The following SAMD13 variants were observed in gnomAD, a reference collection of about 807,000 sequenced individuals.
The protein encoded by SAMD13 is sterile alpha motif domain containing 13.
A neutral mutation model predicts 12.4 loss-of-function variants in SAMD13; 9 were observed. The observed-to-expected ratio is 0.72, with a 90% CI of 0.44 to 1.26. The LOEUF is 1.26. Among genes scored for constraint, SAMD13 ranks in the 50% most tolerant of loss-of-function variants. The pLI is 0.00. For missense variants in SAMD13, 84 were observed against 119.6 expected (o/e 0.70, Z 1.39); for synonymous variants, 46 against 45.4 (o/e 1.01, Z -0.05).
intron 3 of SAMD13, among the ~76,000 whole-genome samples, chr1:84,329,263 C>G (rs1447435837): frequency 1.3e-5 from 2 of 152,114 alleles, no homozygotes; most frequent in East Asian, 3.9e-4. Context: ...GCACCCTGGT[C>G]TTGGACCTCC....
chr1:84,312,505 T>A (rs1241208880), intron 2 of SAMD13, among the ~76,000 whole-genome samples: 1 of 152,026 alleles, frequency 6.6e-6, no homozygotes, highest in Non-Finnish European at 1.5e-5. Context: ...TACAAAGGGA[T>A]CCTCATAACT....
At chr1:84,343,897 G>A (rs116049176) in intron 3 of SAMD13, among the ~76,000 whole-genome samples, 1,836 of 152,158 alleles carry the variant, frequency 0.012, 38 homozygotes, top group African/African-American at 0.042. Context: ...ATCAGCTGAA[G>A]AAGACTTATT....
At chr1:84,326,479 T>C (rs1396802581) in intron 3 of SAMD13, among the ~76,000 whole-genome samples, 1 of 152,118 alleles carries the variant, frequency 6.6e-6, no homozygotes, top group Non-Finnish European at 1.5e-5. Flanking sequence ...CAGGAGTCCA[T>C]CCCAATTGTC....
chr1:84,308,176 A>C (rs546393022), intron 2 of SAMD13, among the ~76,000 whole-genome samples: 1 of 152,268 alleles, frequency 6.6e-6, no homozygotes, highest in East Asian at 1.9e-4. Context: ...TTATTAAATT[A>C]TTGTTTTAGT....
chr1:84,320,252 A>G (rs1678912297), intron 2 of SAMD13, among the ~76,000 whole-genome samples: 1 of 152,226 alleles, frequency 6.6e-6, no homozygotes, highest in Admixed American at 6.5e-5. Context: ...AGCCACGGGT[A>G]TGGGAAAGTC....
At chr1:84,342,794 GGACA>G (rs1431729211) in intron 3 of SAMD13, among the ~76,000 whole-genome samples, 1 of 151,686 alleles carries the variant, frequency 6.6e-6, no homozygotes, top group South Asian at 2.1e-4. Context: ...ACATAGGCAT[GGACA>G]AAGATTTCAT....
intron 2 of SAMD13, among the ~76,000 whole-genome samples, chr1:84,316,362 T>G (rs559731210): frequency 2.0e-5 from 3 of 152,218 alleles, no homozygotes; most frequent in Non-Finnish European, 2.9e-5. Context: ...AAGTCTTATG[T>G]TTAAGTCTTT....
At chr1:84,340,064 G>T (rs1198619657) in intron 3 of SAMD13, among the ~76,000 whole-genome samples, 4 of 152,170 alleles carry the variant, frequency 2.6e-5, no homozygotes, top group African/African-American at 9.6e-5. Context: ...TAGCTTTACT[G>T]TAGGACCCAG....
At chr1:84,335,395 G>T (rs1679271673) in intron 3 of SAMD13, among the ~76,000 whole-genome samples, 1 of 151,962 alleles carries the variant, frequency 6.6e-6, no homozygotes, top group Non-Finnish European at 1.5e-5. Context: ...CCATTTGTTA[G>T]GTTGATTTTT....
At chr1:84,312,148 G>T (rs1558441357) in intron 2 of SAMD13, among the ~76,000 whole-genome samples, 2 of 151,782 alleles carry the variant, frequency 1.3e-5, no homozygotes. Flanking sequence ...TTGAAAAATT[G>T]TTTTTTTTGT....
At chr1:84,336,151 C>T (rs1329546500) in intron 3 of SAMD13, among the ~76,000 whole-genome samples, 5 of 152,142 alleles carry the variant, frequency 3.3e-5, no homozygotes, top group African/African-American at 1.2e-4. Flanking sequence ...TTCGAAGTTG[C>T]TTGCTTTCTT....
chr1:84,302,149 G>A (rs1457253534), intron 1 of SAMD13: 1 of 152,108 alleles, frequency 6.6e-6, no homozygotes. Flanking sequence ...CACACTTACA[G>A]TGTTATTTGT....
chr1:84,315,010 C>CTCTCTTTCTT (rs890364584), intron 2 of SAMD13, among the ~76,000 whole-genome samples: 1 of 139,158 alleles, frequency 7.2e-6, no homozygotes, highest in South Asian at 2.7e-4. Context: ...TTCTCTCCTT[C>CTCTCTTTCTT]TCTCTTTCTT....
At chr1:84,342,269 CTTAG>C (rs969492238) in intron 3 of SAMD13, among the ~76,000 whole-genome samples, 1 of 152,138 alleles carries the variant, frequency 6.6e-6, no homozygotes, top group Non-Finnish European at 1.5e-5. Flanking sequence ...GATGCTGCTG[CTTAG>C]TTTAGTTCTT....
chr1:84,299,404 G>A (rs1460926260), upstream of SAMD13, among the ~76,000 whole-genome samples: 5 of 152,080 alleles, frequency 3.3e-5, no homozygotes, highest in Admixed American at 1.3e-4. Flanking sequence ...GGAGATTTCA[G>A]GATCTCTAAA....
chr1:84,343,522 C>T (rs761557184), intron 3 of SAMD13, among the ~76,000 whole-genome samples: 16 of 152,162 alleles, frequency 1.1e-4, no homozygotes, highest in Non-Finnish European at 2.4e-4. Flanking sequence ...TGCTGTGAAG[C>T]CCTGAAAAGG....
chr1:84,329,596 T>C (rs1253978233), intron 3 of SAMD13, among the ~76,000 whole-genome samples: 1 of 152,126 alleles, frequency 6.6e-6, no homozygotes, highest in East Asian at 1.9e-4. Flanking sequence ...TGGATTAAGG[T>C]GGTGGTGTTT....
chr1:84,346,193 T>A (rs920456072), intron 3 of SAMD13, among the ~76,000 whole-genome samples: 1 of 152,152 alleles, frequency 6.6e-6, no homozygotes, highest in East Asian at 1.9e-4. Context: ...TAATAAGCAA[T>A]AAAGTAGTGT....
At chr1:84,307,461 T>C (rs914415056) in intron 2 of SAMD13, among the ~76,000 whole-genome samples, 2 of 152,168 alleles carry the variant, frequency 1.3e-5, no homozygotes, top group African/African-American at 2.4e-5. Context: ...ATATAGAATA[T>C]GGCCTTAATA....
Sources: allele counts gnomAD v4.1 joint callset (sites outside exome capture counted in the v4.1 genomes callset), GRCh38; gene constraint gnomAD v4.1.1; transcripts MANE v1.5; gene names NCBI Gene and HGNC (gene_info 2026-07-23, HGNC 2026-07-21).